ELP4: variants seen among roughly 807,000 people sequenced by gnomAD.
ELP4 encodes elongator complex protein 4.
A neutral mutation model predicts 48.9 loss-of-function variants in ELP4; 51 were observed. The observed-to-expected ratio is 1.04, with a 90% CI of 0.83 to 1.32. ELP4 has a LOEUF of 1.32. ELP4 is among the 40% of genes most tolerant of loss of function. The pLI is 0.00. For missense variants in ELP4, 519 were observed against 514.6 expected (o/e 1.01, Z -0.08); for synonymous variants, 210 against 189.2 (o/e 1.11, Z -0.90).
At chr11:31,772,688 A>G (rs778995189) in intron 9 of ELP4, among the ~76,000 whole-genome samples, 1 of 152,372 alleles carries the variant, frequency 6.6e-6, no homozygotes, top group African/African-American at 2.4e-5. Flanking sequence ...TGTTTCAGAC[A>G]TGAACACATG....
At chr11:31,777,960 A>G (rs926784196) in intron 9 of ELP4, among the ~76,000 whole-genome samples, 1 of 152,214 alleles carries the variant, frequency 6.6e-6, no homozygotes, top group African/African-American at 2.4e-5. Flanking sequence ...AGAGATGAGT[A>G]TATCATCCTG....
chr11:31,553,801 A>G (rs1956890291), intron 3 of ELP4, among the ~76,000 whole-genome samples: 1 of 151,640 alleles, frequency 6.6e-6, no homozygotes, highest in South Asian at 2.1e-4. Context: ...GCCTTAAATA[A>G]TACAGTTTTT....
chr11:31,532,363 C>T (rs779886043), intron 2 of ELP4, among the ~76,000 whole-genome samples: 15 of 152,034 alleles, frequency 9.9e-5, no homozygotes, highest in Middle Eastern at 3.2e-3. Context: ...GAGCTTAGCA[C>T]GGAGAAAGCT....
intron 9 of ELP4, among the ~76,000 whole-genome samples, chr11:31,780,155 T>A (rs1272719144): frequency 6.6e-6 from 1 of 152,202 alleles, no homozygotes; most frequent in Non-Finnish European, 1.5e-5. Flanking sequence ...GAGGTCACCA[T>A]GCTATGCAGA....
chr11:31,678,503 G>T (rs879772399), intron 9 of ELP4, among the ~76,000 whole-genome samples: 2 of 28,172 alleles, frequency 7.1e-5, no homozygotes, highest in South Asian at 3.0e-3. Context: ...GTATGTGTGT[G>T]TGTGTGTGTG....
chr11:31,541,934 A>G (rs1956597586), intron 3 of ELP4, among the ~76,000 whole-genome samples: 1 of 152,230 alleles, frequency 6.6e-6, no homozygotes, highest in South Asian at 2.1e-4. Flanking sequence ...GTAGGAGAGT[A>G]AAATATAAAA....
At chr11:31,510,327 G>T (rs1440496512) in intron 1 of ELP4, 1 of 498,900 alleles carries the variant, frequency 2.0e-6, no homozygotes, top group Non-Finnish European at 3.6e-6. Flanking sequence ...TTATGGAGAT[G>T]GTTTGGCTTT....
intron 3 of ELP4, among the ~76,000 whole-genome samples, chr11:31,562,997 T>C (rs2133944801): frequency 6.6e-6 from 1 of 152,300 alleles, no homozygotes; most frequent in South Asian, 2.1e-4. Context: ...GAATCAGTAA[T>C]ATCTTTGATT....
At chr11:31,629,551 G>T (rs1944815249) in intron 6 of ELP4, among the ~76,000 whole-genome samples, 2 of 151,848 alleles carry the variant, frequency 1.3e-5, no homozygotes, top group African/African-American at 2.4e-5. Context: ...ATATATCAGT[G>T]TATCTGTCAG....
At chr11:31,725,789 T>C (rs1439903019) in intron 9 of ELP4, among the ~76,000 whole-genome samples, 1 of 152,154 alleles carries the variant, frequency 6.6e-6, no homozygotes, top group African/African-American at 2.4e-5. Context: ...GGTATCTGGG[T>C]CCAATTGCTG....
Position 31,733,434 on chromosome 11 carries a change from G to A in ELP4, c.1144-49959G>A, listed in dbSNP as rs559814410. On this transcript the variant is annotated intron_variant, in intron 9 of 9. Transcript: ENST00000640961. Reference sequence around the variant, plus strand: ...GGAGGTTGCAGTGAGCCAAGATCACGCCACTGCACTCCTGCCTGGGTGACA... The same window carrying A: ...GGAGGTTGCAGTGAGCCAAGATCACACCACTGCACTCCTGCCTGGGTGACA... Among the ~76,000 whole-genome samples the A allele has an allele frequency of 5.3e-5, 7 of 133,194 alleles. No homozygotes were observed. The East Asian group carries it at 6.8e-4, about 13-fold the overall frequency. 87.4% of individuals were successfully genotyped at this position (133,194 alleles called of 152,430 possible).
At chr11:31,634,344 G>GA (rs1592177256) in intron 7 of ELP4, 1 of 151,726 alleles carries the variant, frequency 6.6e-6, no homozygotes. Flanking sequence ...AGACAAGAGA[G>GA]AAAAAAGATG....
At chr11:31,669,108 A>ATTTTTAT (rs11405678) in intron 9 of ELP4, among the ~76,000 whole-genome samples, 3 of 149,212 alleles carry the variant, frequency 2.0e-5, no homozygotes, top group Admixed American at 6.6e-5. Flanking sequence ...TTTTATTTTT[A>ATTTTTAT]TTTTATTTTG....
At chr11:31,707,111 T>C (rs1592241272) in intron 9 of ELP4, 1 of 397,548 alleles carries the variant, frequency 2.5e-6, no homozygotes, top group Non-Finnish European at 4.4e-6. Context: ...GTGGGATTGC[T>C]GGATCATATG....
At chr11:31,659,865 A>G (rs1457889075) in intron 9 of ELP4, among the ~76,000 whole-genome samples, 3 of 151,908 alleles carry the variant, frequency 2.0e-5, no homozygotes, top group Non-Finnish European at 4.4e-5. Flanking sequence ...GGTGGCAGGC[A>G]CCTGTAATCC....
chr11:31,589,931 C>T (rs966471890), intron 3 of ELP4, among the ~76,000 whole-genome samples: 1 of 152,052 alleles, frequency 6.6e-6, no homozygotes. Context: ...TTGTTTTACT[C>T]CATAAATAGA....
intron 9 of ELP4, among the ~76,000 whole-genome samples, chr11:31,744,698 G>A (rs1170066052): frequency 3.3e-5 from 5 of 152,146 alleles, no homozygotes; most frequent in Non-Finnish European, 5.9e-5. Context: ...AATGCTTCAT[G>A]CTAAAAACTC....
chr11:31,738,632 A>T (rs1338371482), intron 9 of ELP4, among the ~76,000 whole-genome samples: 2 of 151,542 alleles, frequency 1.3e-5, no homozygotes, highest in African/African-American at 4.9e-5. Context: ...GCGCCGGGGG[A>T]GGTGGAGGTG....
intron 7 of ELP4, chr11:31,647,142 C>T (rs1051543754): frequency 6.6e-6 from 1 of 151,708 alleles, no homozygotes; most frequent in East Asian, 1.9e-4. Context: ...TTATTATTAT[C>T]CCAGAGCCAA....
Sources: allele counts gnomAD v4.1 joint callset (sites outside exome capture counted in the v4.1 genomes callset), GRCh38; gene constraint gnomAD v4.1.1; transcripts MANE v1.5; gene names NCBI Gene and HGNC (gene_info 2026-07-23, HGNC 2026-07-21).